CAMK4: variants seen among roughly 807,000 people sequenced by gnomAD.
The protein encoded by CAMK4 is calcium/calmodulin-dependent protein kinase type IV.
A neutral mutation model predicts 44.9 loss-of-function variants in CAMK4; 22 were observed. The ratio of observed to expected loss-of-function variants is 0.49; its 90% CI spans 0.35 to 0.70. CAMK4 has a LOEUF of 0.70. Ranked by LOEUF, CAMK4 falls within the 30% of genes least tolerant of loss-of-function variation. The pLI, the probability that CAMK4 is intolerant of heterozygous loss-of-function variation, is 0.01. For synonymous variants in CAMK4, 218 were observed against 215.4 expected (o/e 1.01, Z -0.11); for missense variants, 498 against 586.8 (o/e 0.85, Z 1.56).
At position 111,432,644 on chromosome 5, in the gene CAMK4, A is replaced by G. The variant is rs141747505; in HGVS notation, c.460-14042A>G. ...TGTGTATATATATATATACATATATATATGTATATATGTGTGTGTATATAT... is the reference window on the plus strand; with the variant it reads ...TGTGTATATATATATATACATATATGTATGTATATATGTGTGTGTATATAT... On this transcript the variant is annotated intron_variant, in intron 5 of 10. Coordinates refer to ENST00000282356, the MANE Select transcript of CAMK4 (RefSeq NM_001744.6). 6.1e-3 allele frequency among the ~76,000 whole-genome samples: 819 copies of G among 133,686 alleles called. 8 individuals carry two copies. Among genetic ancestry groups the G allele is most frequent in the African/African-American group, 0.023 (780 of 33,402 alleles). 87.7% of individuals were successfully genotyped at this position (133,686 alleles called of 152,430 possible).
At position 111,473,922 on chromosome 5, in the gene CAMK4, T is replaced by C. The variant is rs148057474; in HGVS notation, c.701+536T>C. Among the ~76,000 whole-genome samples, 105 of 152,242 alleles carry C rather than the reference T, an allele frequency of 6.9e-4. No individual in the cohort carries two copies. In the Middle Eastern group the frequency reaches 0.01, roughly 15 times the overall value. ...TACACAAATTTCTTGGGAAAAAAAA[T>C]GAGTGAAATATTTTAATCCCTGGTA... On this transcript the variant is annotated intron_variant, in intron 8 of 10. Coordinates refer to ENST00000282356, the MANE Select transcript of CAMK4 (RefSeq NM_001744.6).
chr5:111,255,899 T>A (rs1357343169), intron 1 of CAMK4, among the ~76,000 whole-genome samples: 1 of 152,222 alleles, frequency 6.6e-6, no homozygotes, highest in East Asian at 1.9e-4. Flanking sequence ...ATCAATAGTG[T>A]TATTGGAAAT....
intron 9 of CAMK4, among the ~76,000 whole-genome samples, chr5:111,478,954 T>C (rs2112496634): frequency 6.6e-6 from 1 of 152,312 alleles, no homozygotes; most frequent in East Asian, 1.9e-4. Flanking sequence ...CATGGCTCAT[T>C]GTAGCCTCCA....
At chr5:111,229,868 A>T (rs1748381345) in intron 1 of CAMK4, among the ~76,000 whole-genome samples, 1 of 152,224 alleles carries the variant, frequency 6.6e-6, no homozygotes, top group Non-Finnish European at 1.5e-5. Context: ...CTGGGGCTTC[A>T]TAGGGTCTTC....
At chr5:111,381,744 T>C (rs1751424292) in intron 4 of CAMK4, among the ~76,000 whole-genome samples, 1 of 152,166 alleles carries the variant, frequency 6.6e-6, no homozygotes, top group South Asian at 2.1e-4. Flanking sequence ...ATTTTTTTTA[T>C]TTTATTGAGT....
At chr5:111,280,303 A>G (rs1259675444) in intron 1 of CAMK4, among the ~76,000 whole-genome samples, 1 of 152,226 alleles carries the variant, frequency 6.6e-6, no homozygotes, top group Non-Finnish European at 1.5e-5. Context: ...ACAGATTTTT[A>G]TATAAAGAAC....
intron 1 of CAMK4, chr5:111,282,777 C>T (rs1324455942): frequency 2.0e-5 from 3 of 151,992 alleles, no homozygotes; most frequent in Admixed American, 6.6e-5. Context: ...GACTTTTGTC[C>T]CAATAAACCC....
intron 1 of CAMK4, among the ~76,000 whole-genome samples, chr5:111,245,631 C>A (rs1428466913): frequency 1.3e-5 from 2 of 152,202 alleles, no homozygotes; most frequent in African/African-American, 2.4e-5. Flanking sequence ...AAATGAGTTT[C>A]ACTTGACTTC....
chr5:111,353,986 A>G (rs1277204526), intron 2 of CAMK4, among the ~76,000 whole-genome samples: 1 of 152,134 alleles, frequency 6.6e-6, no homozygotes, highest in East Asian at 1.9e-4. Flanking sequence ...TAAGGTCAAT[A>G]TATTAAAGAG....
At chr5:111,258,001 GCA>G (rs1320095045) in intron 1 of CAMK4, among the ~76,000 whole-genome samples, 1 of 152,060 alleles carries the variant, frequency 6.6e-6, no homozygotes, top group African/African-American at 2.4e-5. Context: ...CTGGGGCCTA[GCA>G]CGGGGAGGGT....
chr5:111,240,102 T>C (rs1190588143), intron 1 of CAMK4, among the ~76,000 whole-genome samples: 3 of 152,150 alleles, frequency 2.0e-5, no homozygotes, highest in African/African-American at 7.2e-5. Flanking sequence ...AATTTTTAGT[T>C]TTTTTTCTTC....
intron 5 of CAMK4, among the ~76,000 whole-genome samples, chr5:111,418,877 A>G (rs927894796): frequency 1.3e-5 from 2 of 152,070 alleles, no homozygotes; most frequent in African/African-American, 4.8e-5. Context: ...AGTCTTTGCT[A>G]TTGTGAATAG....
intron 1 of CAMK4, among the ~76,000 whole-genome samples, chr5:111,324,054 C>T (rs1748773104): frequency 6.6e-6 from 1 of 151,776 alleles, no homozygotes; most frequent in African/African-American, 2.4e-5. Context: ...TACTATAATC[C>T]TGAGGACAAC....
intron 1 of CAMK4, chr5:111,282,957 C>T (rs1179374010): frequency 6.6e-6 from 1 of 152,206 alleles, no homozygotes; most frequent in African/African-American, 2.4e-5. Flanking sequence ...AGTTGTTTAT[C>T]CTTGTGATCA....
At chr5:111,262,679 T>G (rs1363113056) in intron 1 of CAMK4, among the ~76,000 whole-genome samples, 1 of 152,214 alleles carries the variant, frequency 6.6e-6, no homozygotes, top group African/African-American at 2.4e-5. Context: ...GCTTTTTATA[T>G]TCCATCAATA....
intron 5 of CAMK4, among the ~76,000 whole-genome samples, chr5:111,395,867 G>A (rs1751988184): frequency 6.6e-6 from 1 of 152,122 alleles, no homozygotes; most frequent in East Asian, 1.9e-4. Context: ...GGCCCAGGGA[G>A]GGGTATTTAT....
At chr5:111,481,632 C>T (rs1260721047) in intron 9 of CAMK4, among the ~76,000 whole-genome samples, 1 of 152,136 alleles carries the variant, frequency 6.6e-6, no homozygotes, top group Non-Finnish European at 1.5e-5. Context: ...TGCACATGAG[C>T]AGGCCAAGGT....
intron 3 of CAMK4, among the ~76,000 whole-genome samples, chr5:111,375,155 T>C (rs75768486): frequency 0.012 from 1,767 of 152,306 alleles, 40 homozygotes; most frequent in African/African-American, 0.04. Flanking sequence ...TTATTTTCAT[T>C]CATAAAAGGA....
intron 2 of CAMK4, among the ~76,000 whole-genome samples, chr5:111,346,756 G>A (rs1749887241): frequency 6.6e-6 from 1 of 151,796 alleles, no homozygotes; most frequent in African/African-American, 2.4e-5. Flanking sequence ...TGACTTGTAG[G>A]TCATCATTCT....
Sources: allele counts gnomAD v4.1 joint callset (sites outside exome capture counted in the v4.1 genomes callset), GRCh38; gene constraint gnomAD v4.1.1; transcripts MANE v1.5; gene names NCBI Gene and HGNC (gene_info 2026-07-23, HGNC 2026-07-21).